The following GRIN2B variants were observed in gnomAD, a reference collection of about 807,000 sequenced individuals.
GRIN2B encodes the protein glutamate ionotropic receptor NMDA type subunit 2B.
A neutral mutation model predicts 114.5 loss-of-function variants in GRIN2B; 5 were observed. The observed-to-expected ratio is 0.04, with a 90% CI of 0.02 to 0.09. The LOEUF (loss-of-function observed/expected upper bound fraction) is 0.09, where lower values mean the gene tolerates loss of function less well. GRIN2B is among the 10% of genes least tolerant of loss of function. GRIN2B has a pLI of 1.00. For synonymous variants in GRIN2B, 787 were observed against 745.1 expected (o/e 1.06, Z -0.92); for missense variants, 1,108 against 1,943.5 (o/e 0.57, Z 8.08).
chr12:13,874,417 T>C (rs900426304), intron 2 of GRIN2B, among the ~76,000 whole-genome samples: 2 of 152,232 alleles, frequency 1.3e-5, no homozygotes, highest in Non-Finnish European at 2.9e-5. Flanking sequence ...AATAGAAATT[T>C]GTAATACAAA....
chr12:13,601,794 C>T (rs1565470864), intron 10 of GRIN2B, among the ~76,000 whole-genome samples: 1 of 152,162 alleles, frequency 6.6e-6, no homozygotes, highest in Non-Finnish European at 1.5e-5. Flanking sequence ...AACTCCGGGT[C>T]ATCTGCCCCT....
chr12:13,671,147 T>C (rs561157724), intron 5 of GRIN2B, among the ~76,000 whole-genome samples: 2 of 152,216 alleles, frequency 1.3e-5, no homozygotes, highest in Non-Finnish European at 2.9e-5. Flanking sequence ...TGCCATTTGA[T>C]TTTTTACCAT....
chr12:13,638,952 TAC>T (rs1949688155), intron 5 of GRIN2B, among the ~76,000 whole-genome samples: 1 of 152,070 alleles, frequency 6.6e-6, no homozygotes, highest in Non-Finnish European at 1.5e-5. Context: ...ACGTTTGTTG[TAC>T]CTCAGAGGAA....
At chr12:13,795,846 A>G (rs1000322330) in intron 3 of GRIN2B, among the ~76,000 whole-genome samples, 12 of 152,160 alleles carry the variant, frequency 7.9e-5, no homozygotes, top group African/African-American at 2.7e-4. Context: ...AAAACCAAAC[A>G]TCACGTGTTC....
chr12:13,868,963 G>C (rs568524650), intron 2 of GRIN2B, among the ~76,000 whole-genome samples: 1 of 152,176 alleles, frequency 6.6e-6, no homozygotes, highest in Non-Finnish European at 1.5e-5. Flanking sequence ...AAGATAAGCA[G>C]AGTGGCTTTG....
chr12:13,615,071 A>G lies in GRIN2B; in HGVS notation c.1654+43T>C, dbSNP rs202227856. On this transcript the variant is annotated intron_variant, in intron 8 of 13. Coordinates refer to ENST00000609686, the MANE Select transcript of GRIN2B (RefSeq NM_000834.5). The surrounding 1 kb of genome is among the most constrained non-coding windows in gnomAD (Gnocchi z 5.8). The stretch of plus-strand genomic sequence containing the variant: ...CCTTTTTTCCTTATTTCACTTCCCC[A>G]TCCATACGTCCATTTCCTTCCACCA... The G allele has an allele frequency of 1.4e-4, 219 of 1,554,090 alleles. No homozygotes were observed. The highest frequency in any genetic ancestry group is 1.7e-4 in the Non-Finnish European group (191 of 1,125,706).
chr12:13,965,837 G>C (rs34087989), intron 2 of GRIN2B, among the ~76,000 whole-genome samples: 1 of 152,154 alleles, frequency 6.6e-6, no homozygotes, highest in Non-Finnish European at 1.5e-5. Flanking sequence ...TAAATCTTTT[G>C]CATGATATGT....
chr12:13,686,699 C>T (rs1169576801), intron 4 of GRIN2B, among the ~76,000 whole-genome samples: 1 of 152,168 alleles, frequency 6.6e-6, no homozygotes, highest in Non-Finnish European at 1.5e-5. Context: ...AGACTTCACT[C>T]CTTAACCCTT....
At chr12:13,819,666 C>T (rs1000170681) in intron 3 of GRIN2B, among the ~76,000 whole-genome samples, 3 of 152,146 alleles carry the variant, frequency 2.0e-5, no homozygotes, top group African/African-American at 4.8e-5. Flanking sequence ...AATATGAGCA[C>T]TTTTAAGATG....
intron 5 of GRIN2B, among the ~76,000 whole-genome samples, chr12:13,668,845 TG>T (rs756882578): frequency 9.5e-4 from 144 of 151,142 alleles, no homozygotes; most frequent in South Asian, 5.5e-3. Context: ...TACAAATTTG[TG>T]GGGGCAGTCC....
At chr12:13,714,252 G>T (rs1950437607) in intron 4 of GRIN2B, among the ~76,000 whole-genome samples, 1 of 151,788 alleles carries the variant, frequency 6.6e-6, no homozygotes, top group Admixed American at 6.6e-5. Context: ...TCTGTTTGCA[G>T]TCAGCTCTTT....
At chr12:13,606,037 G>A (rs2136463567) in intron 10 of GRIN2B, among the ~76,000 whole-genome samples, 1 of 152,206 alleles carries the variant, frequency 6.6e-6, no homozygotes, top group South Asian at 2.1e-4. Flanking sequence ...TATACTCTGT[G>A]TGGTACATAG....
At chr12:13,573,631 C>T (rs1459354181) in intron 10 of GRIN2B, among the ~76,000 whole-genome samples, 1 of 152,192 alleles carries the variant, frequency 6.6e-6, no homozygotes, top group African/African-American at 2.4e-5. Context: ...ATCGGAACGA[C>T]AATGAAGATA....
intron 3 of GRIN2B, among the ~76,000 whole-genome samples, chr12:13,801,072 T>C (rs1482770876): frequency 6.6e-6 from 1 of 152,106 alleles, no homozygotes; most frequent in African/African-American, 2.4e-5. Flanking sequence ...AAACTGTCTG[T>C]CCCTACTGCA....
At chr12:13,820,846 A>C (rs1196057746) in intron 3 of GRIN2B, among the ~76,000 whole-genome samples, 3 of 152,060 alleles carry the variant, frequency 2.0e-5, no homozygotes, top group Admixed American at 1.3e-4. Flanking sequence ...CCCTGCCCAC[A>C]AAATCCACCC....
intron 3 of GRIN2B, among the ~76,000 whole-genome samples, chr12:13,776,050 G>A (rs971469172): frequency 2.0e-5 from 3 of 152,114 alleles, no homozygotes; most frequent in Non-Finnish European, 4.4e-5. Context: ...TGATAGACTG[G>A]ATAAAGAAAA....
Position 13,875,384 on chromosome 12 carries a change from G to A in GRIN2B, c.-18-9158C>T, listed in dbSNP as rs755339779. 6.1e-4 allele frequency among the ~76,000 whole-genome samples: 93 copies of A among 152,136 alleles called. 1 individual carries two copies. Among genetic ancestry groups the A allele is most frequent in the Non-Finnish European group, 1.1e-3 (78 of 67,992 alleles). On this transcript the variant is annotated intron_variant, in intron 2 of 13. Coordinates refer to ENST00000609686, the MANE Select transcript of GRIN2B (RefSeq NM_000834.5). The stretch of plus-strand genomic sequence containing the variant: ...TCTAATAAAAATACAAAAATTAGCC[G>A]GGCATGGTGGCGAGCGCCTGTAGTC...
chr12:13,793,429 A>AG (rs1436890998), intron 3 of GRIN2B, among the ~76,000 whole-genome samples: 4 of 151,852 alleles, frequency 2.6e-5, no homozygotes, highest in Non-Finnish European at 4.4e-5. Context: ...TCAAAAAAAA[A>AG]AAAACGTTAT....
chr12:13,685,749 C>A (rs753310606), intron 4 of GRIN2B, among the ~76,000 whole-genome samples: 2 of 152,158 alleles, frequency 1.3e-5, no homozygotes, highest in Non-Finnish European at 2.9e-5. Context: ...GGAACGAAAT[C>A]ATTTCTCCCA....
Sources: gnomAD v4.1 joint callset for allele counts (sites outside exome capture counted in the v4.1 genomes callset) on GRCh38, gnomAD v4.1.1 for gene constraint, Gnocchi (gnomAD v3.1) non-coding constraint, MANE v1.5 for transcripts, NCBI Gene and HGNC (gene_info 2026-07-23, HGNC 2026-07-21) for gene names.